SYNJ1: variants seen among roughly 807,000 people sequenced by gnomAD.
SYNJ1 encodes the protein synaptojanin 1, also known as polyphosphatidylinositol phosphatase SYNJ1.
In SYNJ1, 78 loss-of-function variants were observed where a neutral mutation model predicts 168.2. The ratio of observed to expected loss-of-function variants is 0.46; its 90% CI spans 0.39 to 0.56. The LOEUF is 0.56. Ranked by LOEUF, SYNJ1 falls within the 20% of genes least tolerant of loss-of-function variation. The pLI, the probability that SYNJ1 is intolerant of heterozygous loss-of-function variation, is 0.00. For synonymous variants in SYNJ1, 539 were observed against 548.6 expected, an observed-to-expected ratio of 0.98 and a Z score of 0.24; for missense variants, 1,303 against 1,597.6, an observed-to-expected ratio of 0.82 and a Z score of 3.14.
rs2039314679 is a variant in SYNJ1, at chr21:32,631,286, G to A, written c.*519C>T. The A allele has an allele frequency of 6.2e-7, 1 of 1,614,042 alleles. No individual in the cohort carries two copies. The highest frequency in any genetic ancestry group is 1.3e-5 in the African/African-American group (1 of 74,900). On this transcript the variant is annotated 3_prime_UTR_variant, in exon 33 of 33. Transcript: ENST00000674351. ...CCTCGAAGGTTACCCATCCTTTCGG[G>A]TTGCTAATTTTTAATGTAGACTGGC...
Position 32,642,094 on chromosome 21 carries a change from C to G in SYNJ1, c.3517+1G>C. 1 of 1,614,052 alleles carries G rather than the reference C, an allele frequency of 6.2e-7. No individual in the cohort carries two copies. Among genetic ancestry groups the G allele is most frequent in the Non-Finnish European group, 8.5e-7 (1 of 1,180,006 alleles). On this transcript the variant is annotated splice_donor_variant, in intron 28 of 32. Coordinates refer to ENST00000674351, the MANE Select transcript of SYNJ1 (RefSeq NM_203446.3). LOFTEE classifies it high-confidence loss of function. ...GAATAGCTACATTCAAGTGTTTTTACCTATATTATCTTTCCTTGTTGTTCC... is the reference window on the plus strand; with the variant it reads ...GAATAGCTACATTCAAGTGTTTTTAGCTATATTATCTTTCCTTGTTGTTCC...
At chr21:32,637,228 T>G (rs1355857022) in intron 31 of SYNJ1, among the ~76,000 whole-genome samples, 1 of 151,940 alleles carries the variant, frequency 6.6e-6, no homozygotes, top group Non-Finnish European at 1.5e-5. Context: ...AAGCTCAGAG[T>G]GGCTAGTTGA....
At position 32,678,795 on chromosome 21, in the gene SYNJ1, C is replaced by A; in HGVS notation, c.1360G>T (p.Asp454Tyr). 1 of 1,608,324 alleles carries A rather than the reference C, an allele frequency of 6.2e-7. No individual in the cohort carries two copies. Among genetic ancestry groups the A allele is most frequent in the Non-Finnish European group, 8.5e-7 (1 of 1,178,466 alleles). ...GTTCGGGTAACAGAGCGAGCACCATCTTTTAACTTTCCAGCCTGTTAAGAA... is the reference window on the plus strand; with the variant it reads ...GTTCGGGTAACAGAGCGAGCACCATATTTTAACTTTCCAGCCTGTTAAGAA... ...GALEGKAKLK[D>Y]GARSVTRTIQ... Residue 454 changes from aspartate (D) to tyrosine (Y), a missense_variant, in exon 12 of 33, where the codon GAT (aspartate) becomes TAT (tyrosine). By Grantham distance (160) the Asp-to-Tyr change is radical (BLOSUM62 -3). Transcript: ENST00000674351.
At chr21:32,696,171 G>T (rs1023061873) in intron 4 of SYNJ1, among the ~76,000 whole-genome samples, 1 of 152,102 alleles carries the variant, frequency 6.6e-6, no homozygotes, top group East Asian at 1.9e-4. Context: ...TACTTTTAAG[G>T]CTTGACTTTT....
intron 2 of SYNJ1, among the ~76,000 whole-genome samples, chr21:32,710,756 C>T (rs2042802211): frequency 6.6e-6 from 1 of 152,044 alleles, no homozygotes; most frequent in South Asian, 2.1e-4. Context: ...GCCCCATAGC[C>T]CACACTTCCC....
rs984402214 is a variant in SYNJ1 at position 32,727,985 on chromosome 21, C to T, written c.-62G>A. 3.3e-6 allele frequency: 5 copies of T among 1,535,422 alleles called. No homozygotes were observed. The highest frequency in any genetic ancestry group is 2.8e-5 in the African/African-American group (2 of 72,710). ...CCTCCTCCTCCTTCTCCCGCAGCCG[C>T]CGCCACAGCCGCCGGGAGCGTCACT... On this transcript the variant is annotated 5_prime_UTR_variant, in exon 1 of 33. Coordinates refer to ENST00000674351, the MANE Select transcript of SYNJ1 (RefSeq NM_203446.3).
At chr21:32,643,339 TG>T in intron 27 of SYNJ1, 70 bp downstream of exon 27, 1 of 1,487,642 alleles carries the variant, frequency 6.7e-7, no homozygotes. Flanking sequence ...CACTGCGGGG[TG>T]GGGAGGTGGG....
intron 26 of SYNJ1, among the ~76,000 whole-genome samples, chr21:32,644,205 T>C (rs1001480692): frequency 2.6e-5 from 4 of 152,218 alleles, no homozygotes; most frequent in Admixed American, 6.5e-5. Flanking sequence ...AAATGTTTTC[T>C]GTAGGTCAAT....
At chr21:32,721,887 C>T (rs2043235981) in intron 2 of SYNJ1, among the ~76,000 whole-genome samples, 1 of 151,990 alleles carries the variant, frequency 6.6e-6, no homozygotes, top group Admixed American at 6.6e-5. Context: ...TAACAATTCT[C>T]AAAAACATAG....
chr21:32,728,063 G>A, upstream of SYNJ1: 1 of 1,524,278 alleles, frequency 6.6e-7, no homozygotes, highest in Non-Finnish European at 8.8e-7. Flanking sequence ...GGGGGCGGAA[G>A]ATCCGCCCCG....
rs1739950235 is a variant in SYNJ1 at position 32,674,249 on chromosome 21, A to G, written c.1535-718T>C. On this transcript the variant is annotated intron_variant, in intron 13 of 32. Transcript: ENST00000674351. ...AACATATGAGGCCTGCTTCCACCAC[A>G]GGGCCTTTGCACTGGCTGTGCCCAC... 2.0e-5 allele frequency among the ~76,000 whole-genome samples: 3 copies of G among 152,146 alleles called. No homozygotes were observed. In the South Asian group the frequency reaches 6.2e-4, roughly 32 times the overall value.
chr21:32,649,702 C>T (rs1462264389), intron 23 of SYNJ1, among the ~76,000 whole-genome samples: 6 of 152,142 alleles, frequency 3.9e-5, no homozygotes, highest in Non-Finnish European at 1.5e-5. Context: ...ATGGTAAATA[C>T]ATTTAAAGTA....
intron 12 of SYNJ1, among the ~76,000 whole-genome samples, chr21:32,676,782 T>C (rs1455805643): frequency 6.6e-6 from 1 of 152,180 alleles, no homozygotes; most frequent in Non-Finnish European, 1.5e-5. Flanking sequence ...TTGATAAGTA[T>C]AATCACTTCA....
chr21:32,657,237 A>T, intron 19 of SYNJ1, 117 bp from the exon 20 acceptor site: 1 of 695,614 alleles, frequency 1.4e-6, no homozygotes. Flanking sequence ...CTGGAATGCC[A>T]GAAACACTTG....
chr21:32,630,918 T>C lies in SYNJ1; in HGVS notation c.*887A>G. On this transcript the variant is annotated 3_prime_UTR_variant, in exon 33 of 33. Transcript: ENST00000674351. ...TGCACTTACAATGACTTATTGCACA[T>C]AATGAAATACTAATGCCCAATTCTC... 1 of 1,375,594 alleles carries C rather than the reference T, an allele frequency of 7.3e-7. No homozygotes were observed. The highest frequency in any genetic ancestry group is 2.5e-5 in the Admixed American group (1 of 40,432). 85.2% of individuals were successfully genotyped at this position (1,375,594 alleles called of 1,614,324 possible).
At chr21:32,664,429 T>C (rs1016591432) in intron 18 of SYNJ1, among the ~76,000 whole-genome samples, 2 of 152,142 alleles carry the variant, frequency 1.3e-5, no homozygotes, top group African/African-American at 4.8e-5. Flanking sequence ...CTGGGCCTGG[T>C]AGTTAAAAAT....
chr21:32,639,741 C>G lies in SYNJ1; in HGVS notation c.3627G>C (p.Gln1209His). The change falls in exon 30 of 33, where the codon CAG (glutamine) becomes CAC (histidine). Residue 1209 changes from glutamine (Q) to histidine (H), a missense_variant. Coordinates refer to ENST00000674351, the MANE Select transcript of SYNJ1 (RefSeq NM_203446.3). ...PPRAGVISAP[Q>H]SHARASAGRL... Reference sequence around the variant, plus strand: ...TTCCAGCAGATGCCCGCGCGTGGCTCTGTGGGGCACTGATAACTCCAGCAC... The same window carrying G: ...TTCCAGCAGATGCCCGCGCGTGGCTGTGTGGGGCACTGATAACTCCAGCAC... 1 of 1,614,150 alleles carries G rather than the reference C, an allele frequency of 6.2e-7. No individual in the cohort carries two copies. The highest frequency in any genetic ancestry group is 1.1e-5 in the South Asian group (1 of 91,084).
At chr21:32,673,058 G>T (rs2041266152) in intron 14 of SYNJ1, among the ~76,000 whole-genome samples, 1 of 152,112 alleles carries the variant, frequency 6.6e-6, no homozygotes, top group East Asian at 1.9e-4. Context: ...TGCCTTCAAA[G>T]AAATCTATGT....
chr21:32,727,040 G>A, intron 1 of SYNJ1, 123 bp from the exon 2 acceptor site: 2 of 1,328,858 alleles, frequency 1.5e-6, no homozygotes, highest in South Asian at 1.5e-5. Context: ...GGAAAAAACA[G>A]ACAGCTCTGG....
Sources: gnomAD v4.1 joint callset for allele counts (sites outside exome capture counted in the v4.1 genomes callset) on GRCh38, gnomAD v4.1.1 for gene constraint, MANE v1.5 for transcripts, NCBI Gene and HGNC (gene_info 2026-07-23, HGNC 2026-07-21) for gene names.